ATP6V1B2: variants seen among roughly 807,000 people sequenced by gnomAD.
ATP6V1B2 encodes the protein ATPase H+ transporting V1 subunit B2.
A neutral mutation model predicts 66.7 loss-of-function variants in ATP6V1B2; 23 were observed. The ratio of observed to expected loss-of-function variants is 0.34; its 90% CI spans 0.25 to 0.49. The LOEUF (loss-of-function observed/expected upper bound fraction) is 0.49, where lower values mean the gene tolerates loss of function less well. ATP6V1B2 is among the 20% of genes least tolerant of loss of function. The pLI is 0.99. For synonymous variants in ATP6V1B2, 278 were observed against 236.7 expected (o/e 1.17, Z -1.60); for missense variants, 478 against 650.8 (o/e 0.73, Z 2.89).
intron 11 of ATP6V1B2, chr8:20,217,017 T>G: frequency 5.5e-6 from 3 of 549,458 alleles, no homozygotes; most frequent in Non-Finnish European, 9.8e-6. Context: ...TTGGATTTGA[T>G]TCTCGAAAGA....
chr8:20,219,185 G>C (rs1473731933), intron 13 of ATP6V1B2, among the ~76,000 whole-genome samples: 1 of 152,074 alleles, frequency 6.6e-6, no homozygotes, highest in Non-Finnish European at 1.5e-5. Flanking sequence ...AGCAGACCTT[G>C]GTGGGGACAG....
rs1164545242 is a variant in ATP6V1B2 at position 20,210,572 on chromosome 8, G to A, written c.389G>A (p.Arg130Gln). The A allele has an allele frequency of 1.9e-6, 3 of 1,613,564 alleles. No individual in the cohort carries two copies. The highest frequency in any genetic ancestry group is 2.5e-6 in the Non-Finnish European group (3 of 1,179,720). The part of the protein sequence containing the change: ...RTPVSEDMLG[R>Q]VFNGSGKPID... ...CTGTCTTCTTACTGATTTCTAGGTC[G>A]GGTATTCAATGGATCGGGAAAACCC... The change falls in exon 5 of 14, where the codon CGG becomes CAG. Residue 130 changes from arginine to glutamine, a missense_variant. Arg to Gln is a conservative substitution (Grantham distance 43). This residue lies in a region of ATP6V1B2 where 326 missense variants were observed against 545.6 expected (regional missense o/e 0.60). Coordinates refer to ENST00000276390, the MANE Select transcript of ATP6V1B2 (RefSeq NM_001693.4).
At position 20,221,136 on chromosome 8, in the gene ATP6V1B2, A is replaced by G. The variant is rs1414709842; in HGVS notation, c.*734A>G. 2 of 152,178 alleles carry G rather than the reference A, an allele frequency of 1.3e-5. No individual in the cohort carries two copies. The highest frequency in any genetic ancestry group is 4.8e-5 in the African/African-American group (2 of 41,452). 9.4% of individuals were successfully genotyped at this position (152,178 alleles called of 1,614,324 possible). A position where few individuals can be genotyped will look rare whatever the true frequency, so the allele number is the denominator to read the frequency against. On this transcript the variant is annotated 3_prime_UTR_variant, in exon 14 of 14. Coordinates refer to ENST00000276390, the MANE Select transcript of ATP6V1B2 (RefSeq NM_001693.4). ...CTGGGTTTCCAAGCAGAGGAGTCAC[A>G]TGATTACAATTGCCAGTAGAGTTGT...
At chr8:20,210,166 T>G (rs1044221464) in intron 3 of ATP6V1B2, among the ~76,000 whole-genome samples, 180 bp from the exon 4 acceptor site, 2 of 151,232 alleles carry the variant, frequency 1.3e-5, no homozygotes, top group Non-Finnish European at 2.9e-5. Context: ...CCTGTAGGCA[T>G]GAACCCTTGA....
chr8:20,210,726 T>C, intron 5 of ATP6V1B2, 80 bp downstream of exon 5: 1 of 1,224,946 alleles, frequency 8.2e-7, no homozygotes, highest in Non-Finnish European at 1.2e-6. Flanking sequence ...TAGAGAGTGT[T>C]TTTTGTGATA....
At position 20,204,667 on chromosome 8, in the gene ATP6V1B2, A is replaced by T; in HGVS notation, c.192+128A>T. On this transcript the variant is annotated intron_variant, in intron 2 of 13. Transcript: ENST00000276390. ...TTAGACTGGGTGTCAGTCAGTCTAA[A>T]GCCCAGATACCATGATACCCTGGGC... 2.8e-6 allele frequency: 2 copies of T among 723,336 alleles called. 1 individual carries two copies. The highest frequency in any genetic ancestry group is 4.7e-5 in the South Asian group (2 of 42,348). 44.8% of individuals were successfully genotyped at this position (723,336 alleles called of 1,614,324 possible).
In ATP6V1B2 at chr8:20,216,395, A is replaced by G. The variant is rs200230292; in HGVS notation, c.1079-18A>G. 11 of 1,602,056 alleles carry G rather than the reference A, an allele frequency of 6.9e-6. No homozygotes were observed. The highest frequency in any genetic ancestry group is 5.0e-5 in the Admixed American group (3 of 59,742). ...CCTAAAGATGCCATGCTTAATGCCAACTGTCTTCCTCTGGTAGATATCACT... is the reference window on the plus strand; with the variant it reads ...CCTAAAGATGCCATGCTTAATGCCAGCTGTCTTCCTCTGGTAGATATCACT... On this transcript the variant is annotated intron_variant, in intron 10 of 13. Coordinates refer to ENST00000276390, the MANE Select transcript of ATP6V1B2 (RefSeq NM_001693.4).
Position 20,220,936 on chromosome 8 carries a change from C to G in ATP6V1B2, c.*534C>G, listed in dbSNP as rs1240963057. On this transcript the variant is annotated 3_prime_UTR_variant, in exon 14 of 14. Transcript: ENST00000276390. ...GGTTTTGACTGTCTTTTTGCTCTTT[C>G]CTATATAATGAATAGATGAGTGAAA... 3 of 152,278 alleles carry G rather than the reference C, an allele frequency of 2.0e-5. No individual in the cohort carries two copies. Among genetic ancestry groups the G allele is most frequent in the African/African-American group, 7.2e-5 (3 of 41,428 alleles). The allele number at this position is 152,278 out of a possible 1,614,324, so 9.4% of individuals were successfully genotyped here. A position where few individuals can be genotyped will look rare whatever the true frequency, so the allele number is the denominator to read the frequency against.
Position 20,220,282 on chromosome 8 carries a change from T to C in ATP6V1B2, c.1416T>C (p.Thr472=). Reference sequence around the variant, plus strand: ...TTTAAGGTCCTTACGAAAATCGCACTGTCTTTGAGACTTTGGACATTGGCT... The same window carrying C: ...TTTAAGGTCCTTACGAAAATCGCACCGTCTTTGAGACTTTGGACATTGGCT... ...FIAQGPYENR[T]VFETLDIGWQ... The change falls in exon 14 of 14, where the codon ACT becomes ACC. Residue 472 remains threonine (T), a synonymous_variant. Transcript: ENST00000276390. 1 of 1,597,076 alleles carries C rather than the reference T, an allele frequency of 6.3e-7. No homozygotes were observed. The highest frequency in any genetic ancestry group is 8.5e-7 in the Non-Finnish European group (1 of 1,175,724).
In ATP6V1B2 at chr8:20,218,212, A is replaced by G. The variant is rs1482817854; in HGVS notation, c.1326A>G (p.Glu442=). The stretch of plus-strand genomic sequence containing the variant: ...CCATGAAAGCTGTCGTTGGAGAAGA[A>G]GCCCTTACCTCAGATGATCTTCTCT... The part of the protein sequence containing the change: ...VQAMKAVVGE[E]ALTSDDLLYL... Residue 442 remains glutamate (E), a synonymous_variant, in exon 13 of 14, where the codon GAA becomes GAG. Coordinates refer to ENST00000276390, the MANE Select transcript of ATP6V1B2 (RefSeq NM_001693.4). 1 of 1,613,384 alleles carries G rather than the reference A, an allele frequency of 6.2e-7. No homozygotes were observed. Among genetic ancestry groups the G allele is most frequent in the African/African-American group, 1.3e-5 (1 of 74,882 alleles).
Position 20,211,286 on chromosome 8 carries a change from C to A in ATP6V1B2, c.573C>A (p.Ile191=), listed in dbSNP as rs1408197974. 4 of 1,613,158 alleles carry A rather than the reference C, an allele frequency of 2.5e-6. No homozygotes were observed. The highest frequency in any genetic ancestry group is 3.4e-6 in the Non-Finnish European group (4 of 1,179,758). Residue 191 remains isoleucine, a synonymous_variant, in exon 6 of 14, where the codon ATC becomes ATA. Coordinates refer to ENST00000276390, the MANE Select transcript of ATP6V1B2 (RefSeq NM_001693.4). ...NSIARGQKIP[I]FSAAGLPHNE... ...TTGCTAGGGGGCAGAAAATTCCTAT[C>A]TTCTCTGCTGCTGGGCTACCACACA...
intron 1 of ATP6V1B2, among the ~76,000 whole-genome samples, chr8:20,201,103 G>C (rs534902802): frequency 6.6e-6 from 1 of 152,102 alleles, no homozygotes; most frequent in South Asian, 2.1e-4. Flanking sequence ...ATAAATACTT[G>C]TCTGGCTCAT....
intron 1 of ATP6V1B2, among the ~76,000 whole-genome samples, chr8:20,201,808 T>G (rs1266733925): frequency 6.6e-6 from 1 of 152,128 alleles, no homozygotes; most frequent in Non-Finnish European, 1.5e-5. Flanking sequence ...TTTCTTAAAG[T>G]TCTGGAGTCT....
chr8:20,216,707 G>A, intron 11 of ATP6V1B2: 1 of 440,792 alleles, frequency 2.3e-6, no homozygotes, highest in Non-Finnish European at 4.0e-6. Flanking sequence ...TTCCTTTATT[G>A]TGTCTTAAAA....
Position 20,197,448 on chromosome 8 carries a change from A to G in ATP6V1B2, c.42A>G (p.Ala14=). 1 of 1,538,076 alleles carries G rather than the reference A, an allele frequency of 6.5e-7. No homozygotes were observed. Among genetic ancestry groups the G allele is most frequent in the Admixed American group, 2.0e-5 (1 of 50,154 alleles). The change falls in exon 1 of 14, where the codon GCA becomes GCG. Residue 14 remains alanine, a synonymous_variant. Coordinates refer to ENST00000276390, the MANE Select transcript of ATP6V1B2 (RefSeq NM_001693.4). ...RAMRGIVNGA[A]PELPVPTGGP... Reference sequence around the variant, plus strand: ...TGCGGGGGATTGTCAACGGGGCCGCACCCGAGCTACCCGTGCCCACCGGTG... The same window carrying G: ...TGCGGGGGATTGTCAACGGGGCCGCGCCCGAGCTACCCGTGCCCACCGGTG...
chr8:20,220,421 T>C lies in ATP6V1B2; in HGVS notation c.*19T>C. On this transcript the variant is annotated 3_prime_UTR_variant, in exon 14 of 14. Coordinates refer to ENST00000276390, the MANE Select transcript of ATP6V1B2 (RefSeq NM_001693.4). ...GCATTAGCTGCTGCTTCTGCATTGCTCCGCGCTCTTGTGAAATACTGGTTC... is the reference window on the plus strand; with the variant it reads ...GCATTAGCTGCTGCTTCTGCATTGCCCCGCGCTCTTGTGAAATACTGGTTC... 6.5e-7 allele frequency: 1 copy of C among 1,542,814 alleles called. No homozygotes were observed. The highest frequency in any genetic ancestry group is 8.7e-7 in the Non-Finnish European group (1 of 1,151,560).
intron 1 of ATP6V1B2, among the ~76,000 whole-genome samples, chr8:20,201,410 G>T (rs1435954343): frequency 1.3e-5 from 2 of 152,168 alleles, no homozygotes; most frequent in Admixed American, 6.5e-5. Context: ...AGGAAGGCTG[G>T]ATAAATCTAG....
At chr8:20,201,825 G>A (rs2072690667) in intron 1 of ATP6V1B2, among the ~76,000 whole-genome samples, 1 of 152,162 alleles carries the variant, frequency 6.6e-6, no homozygotes, top group South Asian at 2.1e-4. Flanking sequence ...GTCTGGGAAG[G>A]CCAAAGTGGA....
intron 2 of ATP6V1B2, among the ~76,000 whole-genome samples, chr8:20,208,866 G>A (rs1014817782): frequency 2.0e-5 from 3 of 151,670 alleles, no homozygotes; most frequent in African/African-American, 7.3e-5. Flanking sequence ...CACCATGCCT[G>A]GCTAATTTTT....
Sources: allele counts gnomAD v4.1 joint callset (sites outside exome capture counted in the v4.1 genomes callset), GRCh38; gene constraint gnomAD v4.1.1; regional missense constraint gnomAD v4.1.1; transcripts MANE v1.5; gene names NCBI Gene and HGNC (gene_info 2026-07-23, HGNC 2026-07-21).